USP13: variants seen among roughly 807,000 people sequenced by gnomAD.
USP13 encodes ubiquitin specific peptidase 13.
In USP13, 68 loss-of-function variants were observed where a neutral mutation model predicts 107.8. That is an observed-to-expected ratio of 0.63 (90% confidence interval 0.52 to 0.77). The LOEUF (loss-of-function observed/expected upper bound fraction) is 0.77, where lower values mean the gene tolerates loss of function less well. Ranked by LOEUF, USP13 falls within the 30% of genes least tolerant of loss-of-function variation. The probability of loss-of-function intolerance (pLI) is 0.00; values close to 1 mark genes in which losing one functional copy is unlikely to be tolerated. For missense variants in USP13, 945 were observed against 1,093.3 expected (o/e 0.86, Z 1.91); for synonymous variants, 377 against 389.5 (o/e 0.97, Z 0.38).
In USP13 at chr3:179,690,232, T is replaced by C. The variant is rs1326741578; in HGVS notation, c.295-9T>C. ...GCCGCATTTTAATGATCTTTTGTTTTCTTTTCAGAAGGTAAGAGGGGCGTC... is the reference window on the plus strand; with the variant it reads ...GCCGCATTTTAATGATCTTTTGTTTCCTTTTCAGAAGGTAAGAGGGGCGTC... On this transcript the variant is annotated splice_polypyrimidine_tract_variant and intron_variant, in intron 2 of 20. Coordinates refer to ENST00000263966, the MANE Select transcript of USP13 (RefSeq NM_003940.3). The C allele has an allele frequency of 6.2e-7, 1 of 1,611,926 alleles. No homozygotes were observed. The highest frequency in any genetic ancestry group is 8.5e-7 in the Non-Finnish European group (1 of 1,179,482).
At chr3:179,703,505 G>A (rs568194942) in intron 4 of USP13, among the ~76,000 whole-genome samples, 11 of 152,222 alleles carry the variant, frequency 7.2e-5, no homozygotes, top group African/African-American at 2.2e-4. Context: ...GCTCGGCAGG[G>A]GTCTTAGAGC....
intron 9 of USP13, among the ~76,000 whole-genome samples, 155 bp from the exon 10 acceptor site, chr3:179,730,461 T>G (rs1000250835): frequency 1.3e-5 from 2 of 152,254 alleles, no homozygotes; most frequent in African/African-American, 2.4e-5. Context: ...GGTATCAGTA[T>G]GAAGCAGAAT....
intron 1 of USP13, among the ~76,000 whole-genome samples, chr3:179,675,048 G>A (rs1350467223): frequency 2.0e-5 from 3 of 151,954 alleles, no homozygotes; most frequent in Non-Finnish European, 4.4e-5. Flanking sequence ...GGTGGCGGGC[G>A]CCTGTAGTCC....
At chr3:179,783,966 C>A in intron 20 of USP13, 82 bp from the exon 21 acceptor site, 1 of 1,074,846 alleles carries the variant, frequency 9.3e-7, no homozygotes, top group South Asian at 1.4e-5. Context: ...AAGTGTTGTG[C>A]GCCATATGAT....
chr3:179,655,568 T>TG (rs1720232122), intron 1 of USP13, among the ~76,000 whole-genome samples: 1 of 140,000 alleles, frequency 7.1e-6, no homozygotes, highest in African/African-American at 2.7e-5. Flanking sequence ...TTTTGTTTTG[T>TG]TTTTTTTTTG....
rs1715938781 is a variant in USP13, at chr3:179,787,305, C to G, written c.*3164C>G. On this transcript the variant is annotated 3_prime_UTR_variant, in exon 21 of 21. Coordinates refer to ENST00000263966, the MANE Select transcript of USP13 (RefSeq NM_003940.3). ...CCTGGGTCTGTATCCTGACTCCACT[C>G]TAAGTGAGGTGGGACTGAATCACTG... The G allele has an allele frequency of 6.6e-6, 1 of 152,226 alleles. No individual in the cohort carries two copies. The highest frequency in any genetic ancestry group is 1.5e-5 in the Non-Finnish European group (1 of 68,066). The allele number at this position is 152,226 out of a possible 1,614,324, so 9.4% of individuals were successfully genotyped here.
rs568041932 is a variant in USP13, at chr3:179,679,417, GTATT to G, written c.169-2456_169-2453del. 4.4e-3 allele frequency among the ~76,000 whole-genome samples: 674 copies of G among 152,112 alleles called. 8 individuals are homozygous for G. The highest frequency in any genetic ancestry group is 0.015 in the African/African-American group (636 of 41,506). On this transcript the variant is annotated intron_variant, in intron 1 of 20. Transcript: ENST00000263966. ...AATGCACTGTAAGGAATTTTGTAAG[GTATT>G]TATTGGCAATTTTGACAGGCATTCA...
At chr3:179,782,036 C>T (rs1489908241) in intron 20 of USP13, among the ~76,000 whole-genome samples, 3 of 151,602 alleles carry the variant, frequency 2.0e-5, no homozygotes, top group Non-Finnish European at 4.4e-5. Flanking sequence ...TGTGTGAGAG[C>T]TGATATTCAA....
intron 3 of USP13, among the ~76,000 whole-genome samples, chr3:179,699,102 C>T (rs763646489): frequency 5.3e-5 from 8 of 152,034 alleles, no homozygotes; most frequent in East Asian, 1.9e-4. Context: ...CTCCTGACCT[C>T]GTGATCCACC....
At chr3:179,674,552 C>T (rs968489638) in intron 1 of USP13, among the ~76,000 whole-genome samples, 2 of 152,004 alleles carry the variant, frequency 1.3e-5, no homozygotes, top group Non-Finnish European at 2.9e-5. Context: ...CTTAACTCCT[C>T]TATTTGGGGC....
Position 179,676,854 on chromosome 3 carries a change from T to C in USP13, c.169-5024T>C, listed in dbSNP as rs143701681. On this transcript the variant is annotated intron_variant, in intron 1 of 20. Transcript: ENST00000263966. ...ACTACCTCTGTGGCCAGCCTTGGTG[T>C]CCAGTGGAACATGCCTGTTGATGTT... is the stretch of plus-strand genomic sequence containing the variant. 3.3e-5 allele frequency among the ~76,000 whole-genome samples: 5 copies of C among 152,276 alleles called. No individual in the cohort carries two copies. In the East Asian group the frequency reaches 9.7e-4, roughly 29 times the overall value.
At position 179,653,816 on chromosome 3, in the gene USP13, T is replaced by G; in HGVS notation, c.168+423T>G. The G allele has an allele frequency of 6.2e-6, 1 of 162,356 alleles. No individual in the cohort carries two copies. Among genetic ancestry groups the G allele is most frequent in the Non-Finnish European group, 1.3e-5 (1 of 74,644 alleles). 10.1% of individuals were successfully genotyped at this position (162,356 alleles called of 1,614,324 possible). A position where few individuals can be genotyped will look rare whatever the true frequency, so the allele number is the denominator to read the frequency against. ...ACAGCCCTTCTTTTTCTGGGACCAC[T>G]TGCTTTGCTCAGGGATCCCCACTTC... On this transcript the variant is annotated intron_variant, in intron 1 of 20. Coordinates refer to ENST00000263966, the MANE Select transcript of USP13 (RefSeq NM_003940.3). The surrounding 1 kb of genome is among the most constrained non-coding windows in gnomAD (Gnocchi z 4.0).
intron 5 of USP13, among the ~76,000 whole-genome samples, 184 bp downstream of exon 5, chr3:179,707,260 C>T (rs1712755088): frequency 6.6e-6 from 1 of 152,158 alleles, no homozygotes; most frequent in Non-Finnish European, 1.5e-5. Context: ...TGTGCCCAGT[C>T]CATACCCCTA....
intron 13 of USP13, among the ~76,000 whole-genome samples, chr3:179,748,078 A>G (rs2108520307): frequency 6.6e-6 from 1 of 152,212 alleles, no homozygotes; most frequent in East Asian, 1.9e-4. Context: ...TTGCCAGGTC[A>G]TGTGTTAAGC....
intron 10 of USP13, among the ~76,000 whole-genome samples, chr3:179,734,883 C>G (rs147977514): frequency 1.3e-5 from 2 of 152,182 alleles, no homozygotes; most frequent in Non-Finnish European, 2.9e-5. Context: ...TGATAAAAGC[C>G]TCAGTCTTGC....
intron 1 of USP13, among the ~76,000 whole-genome samples, chr3:179,659,887 CA>C (rs1389645225): frequency 6.6e-6 from 1 of 152,036 alleles, no homozygotes. Context: ...ACTAAAAATA[CA>C]AAAATTAGCC....
chr3:179,765,045 T>G (rs1263997019), intron 18 of USP13, among the ~76,000 whole-genome samples: 1 of 152,206 alleles, frequency 6.6e-6, no homozygotes. Flanking sequence ...TTTATATCTA[T>G]ACAAATTCTT....
At chr3:179,738,221 G>T (rs1714061420) in intron 10 of USP13, among the ~76,000 whole-genome samples, 1 of 152,244 alleles carries the variant, frequency 6.6e-6, no homozygotes, top group Admixed American at 6.5e-5. Context: ...GACTTCAGAG[G>T]AGAGGAATAT....
chr3:179,655,557 GT>G (rs1491045074), intron 1 of USP13, among the ~76,000 whole-genome samples: 4 of 80,686 alleles, frequency 5.0e-5, no homozygotes, highest in Admixed American at 1.2e-4. Context: ...GGTTTTTTTT[GT>G]TTTGTTTTGT....
Sources: gnomAD v4.1 joint callset for allele counts (sites outside exome capture counted in the v4.1 genomes callset) on GRCh38, gnomAD v4.1.1 for gene constraint, Gnocchi (gnomAD v3.1) non-coding constraint, MANE v1.5 for transcripts, NCBI Gene and HGNC (gene_info 2026-07-23, HGNC 2026-07-21) for gene names.